Variants in EPHA4 observed in about 807,000 individuals in gnomAD.
EPHA4 encodes ephrin type-A receptor 4.
Under a neutral mutation model 108.3 loss-of-function variants are expected in EPHA4, and 19 were observed. The ratio of observed to expected loss-of-function variants is 0.18; its 90% CI spans 0.12 to 0.26. The LOEUF is 0.26. Ranked by LOEUF, EPHA4 falls within the 10% of genes least tolerant of loss-of-function variation. The probability of loss-of-function intolerance (pLI) is 1.00; values close to 1 mark genes in which losing one functional copy is unlikely to be tolerated. For synonymous variants in EPHA4, 449 were observed against 455.5 expected (o/e 0.99, Z 0.18); for missense variants, 917 against 1,254.0 (o/e 0.73, Z 4.06).
At chr2:221,505,428 C>T (rs529023104) in intron 3 of EPHA4, among the ~76,000 whole-genome samples, 3 of 152,100 alleles carry the variant, frequency 2.0e-5, no homozygotes, top group East Asian at 3.9e-4. Context: ...TGGGTTCAAG[C>T]GATTCCCCTG....
At chr2:221,570,151 G>A (rs1427668624) in intron 1 of EPHA4, among the ~76,000 whole-genome samples, 2 of 152,106 alleles carry the variant, frequency 1.3e-5, no homozygotes, top group African/African-American at 2.4e-5. Flanking sequence ...TAGAAAGGGA[G>A]GGTAAAAGAG....
intron 5 of EPHA4, among the ~76,000 whole-genome samples, chr2:221,461,964 T>TG (rs1443040869): frequency 1.3e-4 from 19 of 146,442 alleles, no homozygotes; most frequent in Non-Finnish European, 2.4e-4. Flanking sequence ...AGGAAGAAGC[T>TG]GGGGGGCTGA....
intron 17 of EPHA4, among the ~76,000 whole-genome samples, chr2:221,422,303 A>T (rs896085003): frequency 6.6e-6 from 1 of 152,182 alleles, no homozygotes; most frequent in African/African-American, 2.4e-5. Flanking sequence ...GTGAAGTATG[A>T]GGAGAACATG....
intron 3 of EPHA4, among the ~76,000 whole-genome samples, chr2:221,513,998 A>T (rs1692915290): frequency 6.6e-6 from 1 of 152,128 alleles, no homozygotes; most frequent in African/African-American, 2.4e-5. Context: ...AAAGCTTGGG[A>T]TAACAGACGA....
chr2:221,422,731 G>A (rs1212029128), intron 17 of EPHA4, among the ~76,000 whole-genome samples: 3 of 152,184 alleles, frequency 2.0e-5, no homozygotes, highest in Non-Finnish European at 4.4e-5. Flanking sequence ...ATGAGTTAAG[G>A]AGAATTCATT....
At chr2:221,528,584 A>G (rs1693413006) in intron 3 of EPHA4, among the ~76,000 whole-genome samples, 1 of 152,192 alleles carries the variant, frequency 6.6e-6, no homozygotes, top group Non-Finnish European at 1.5e-5. Flanking sequence ...CCTAAACAGT[A>G]CCTCATTTAA....
chr2:221,561,642 T>C (rs531295426), intron 3 of EPHA4, among the ~76,000 whole-genome samples: 9 of 152,352 alleles, frequency 5.9e-5, no homozygotes, highest in African/African-American at 1.9e-4. Context: ...CCCAAGACTA[T>C]TTCCATAAAG....
chr2:221,439,956 C>G (rs577884367), intron 11 of EPHA4, among the ~76,000 whole-genome samples: 1 of 152,208 alleles, frequency 6.6e-6, no homozygotes, highest in Non-Finnish European at 1.5e-5. Context: ...CCTAGTCGGA[C>G]TCTTGGCACC....
At chr2:221,480,222 G>T (rs1296798245) in intron 5 of EPHA4, among the ~76,000 whole-genome samples, 2 of 152,236 alleles carry the variant, frequency 1.3e-5, no homozygotes, top group East Asian at 3.9e-4. Flanking sequence ...ATCTGTGGGA[G>T]CCAAGCCTGT....
chr2:221,567,124 T>C (rs942971333), intron 2 of EPHA4, among the ~76,000 whole-genome samples: 5 of 152,110 alleles, frequency 3.3e-5, no homozygotes, highest in African/African-American at 7.2e-5. Flanking sequence ...CACACATATA[T>C]TTAGTGAAAC....
At chr2:221,456,853 C>T (rs1574579073) in intron 6 of EPHA4, 81 bp from the exon 7 acceptor site, 19 of 1,485,250 alleles carry the variant, frequency 1.3e-5, no homozygotes, top group Non-Finnish European at 1.6e-5. Context: ...TTAAAGGAGT[C>T]AAGCCAGTCA....
intron 4 of EPHA4, among the ~76,000 whole-genome samples, chr2:221,498,180 G>A (rs757923951): frequency 1.3e-5 from 2 of 152,174 alleles, no homozygotes; most frequent in Non-Finnish European, 1.5e-5. Flanking sequence ...TCAGCATCAT[G>A]AGACTGAAAA....
chr2:221,548,810 A>G (rs1196929041), intron 3 of EPHA4, among the ~76,000 whole-genome samples: 1 of 152,168 alleles, frequency 6.6e-6, no homozygotes, highest in Non-Finnish European at 1.5e-5. Context: ...TCAACATTCT[A>G]TCTTAGAATC....
intron 3 of EPHA4, among the ~76,000 whole-genome samples, chr2:221,527,860 G>A (rs1007299998): frequency 1.3e-5 from 2 of 152,208 alleles, no homozygotes; most frequent in African/African-American, 4.8e-5. Context: ...GCAGGGTGGA[G>A]TCCAAGGCAA....
At chr2:221,530,000 C>T (rs1238389594) in intron 3 of EPHA4, among the ~76,000 whole-genome samples, 1 of 152,190 alleles carries the variant, frequency 6.6e-6, no homozygotes, top group African/African-American at 2.4e-5. Flanking sequence ...GAAATTATTT[C>T]AAGTGTTATG....
chr2:221,543,423 T>C (rs1693895380), intron 3 of EPHA4, among the ~76,000 whole-genome samples: 1 of 152,214 alleles, frequency 6.6e-6, no homozygotes, highest in Non-Finnish European at 1.5e-5. Context: ...GCAAAATAAG[T>C]GTGGCTCTCA....
chr2:221,456,938 T>C (rs1365215640), intron 6 of EPHA4, among the ~76,000 whole-genome samples, 166 bp from the exon 7 acceptor site: 1 of 152,240 alleles, frequency 6.6e-6, no homozygotes, highest in Non-Finnish European at 1.5e-5. Flanking sequence ...ATAAGTACTA[T>C]TGTTACTTCT....
At chr2:221,567,515 C>A (rs182164518) in intron 2 of EPHA4, among the ~76,000 whole-genome samples, 1 of 152,278 alleles carries the variant, frequency 6.6e-6, no homozygotes, top group Admixed American at 6.5e-5. Flanking sequence ...GTTTTAAGGG[C>A]AGACTGGAAT....
chr2:221,563,078 T>C (rs1474119763), intron 3 of EPHA4, among the ~76,000 whole-genome samples: 2 of 152,244 alleles, frequency 1.3e-5, no homozygotes, highest in East Asian at 3.8e-4. Flanking sequence ...GCTTGCTTAA[T>C]TACCACCTCC....
Sources: gnomAD v4.1 joint callset for allele counts (sites outside exome capture counted in the v4.1 genomes callset) on GRCh38, gnomAD v4.1.1 for gene constraint, MANE v1.5 for transcripts, NCBI Gene and HGNC (gene_info 2026-07-23, HGNC 2026-07-21) for gene names.